DESI2: variants seen among roughly 807,000 people sequenced by gnomAD.
The protein encoded by DESI2 is desumoylating isopeptidase 2.
Under a neutral mutation model 24.1 loss-of-function variants are expected in DESI2, and 10 were observed. The observed-to-expected ratio is 0.41, with a 90% CI of 0.26 to 0.70. DESI2 has a LOEUF of 0.70. Among genes scored for constraint, DESI2 ranks in the 30% least tolerant of loss-of-function variants. DESI2 has a pLI of 0.29. For synonymous variants in DESI2, 71 were observed against 87.7 expected (o/e 0.81, Z 1.06); for missense variants, 122 against 234.9 (o/e 0.52, Z 3.14).
chr1:244,694,447 C>T (rs1677138435), intron 4 of DESI2: 2 of 763,772 alleles, frequency 2.6e-6, no homozygotes, highest in East Asian at 2.6e-5. Flanking sequence ...GAACTGGATG[C>T]TGCAGCAGCT....
chr1:244,655,212 GTAGT>G (rs1352396094), intron 1 of DESI2, among the ~76,000 whole-genome samples: 2 of 152,162 alleles, frequency 1.3e-5, no homozygotes, highest in Non-Finnish European at 2.9e-5. Flanking sequence ...TGTAAAATAG[GTAGT>G]TAGAGAAGCA....
chr1:244,702,359 C>G (rs1287300406), intron 4 of DESI2, among the ~76,000 whole-genome samples: 2 of 152,040 alleles, frequency 1.3e-5, no homozygotes, highest in Admixed American at 6.5e-5. Context: ...ACTAAAAATA[C>G]AAAAGTTAGC....
intron 4 of DESI2, among the ~76,000 whole-genome samples, chr1:244,703,698 G>A (rs1214828892): frequency 2.1e-5 from 3 of 146,042 alleles, no homozygotes; most frequent in Admixed American, 6.9e-5. Context: ...TTGCTCTGTT[G>A]CCCCGGCTGG....
At chr1:244,665,846 TTAAAA>T (rs1676025133) in intron 1 of DESI2, among the ~76,000 whole-genome samples, 1 of 152,240 alleles carries the variant, frequency 6.6e-6, no homozygotes, top group Admixed American at 6.5e-5. Context: ...AGCCAGTTCC[TTAAAA>T]TAATCACTTC....
At chr1:244,672,802 G>A (rs188962874) in intron 1 of DESI2, among the ~76,000 whole-genome samples, 2 of 152,102 alleles carry the variant, frequency 1.3e-5, no homozygotes, top group East Asian at 1.9e-4. Flanking sequence ...GCTTGAACTC[G>A]GGAAGTAGAG....
At chr1:244,655,951 G>A (rs967901579) in intron 1 of DESI2, among the ~76,000 whole-genome samples, 2 of 152,222 alleles carry the variant, frequency 1.3e-5, no homozygotes, top group Admixed American at 6.5e-5. Context: ...TCATGGAGGG[G>A]AACAGTGTGA....
At chr1:244,658,026 T>C (rs1232402829) in intron 1 of DESI2, among the ~76,000 whole-genome samples, 1 of 152,214 alleles carries the variant, frequency 6.6e-6, no homozygotes, top group Non-Finnish European at 1.5e-5. Flanking sequence ...ATGATGTCTG[T>C]CACATATTTT....
rs146071500 is a variant in DESI2 at position 244,685,475 on chromosome 1, A to G, written c.43-1122A>G. On this transcript the variant is annotated intron_variant, in intron 1 of 4. Transcript: ENST00000302550. The stretch of plus-strand genomic sequence containing the variant: ...CCATATTGTTTTAATGAATATTTCA[A>G]TTTCTAGATGGGAAAATTCCTTGTT... Among the ~76,000 whole-genome samples the G allele has an allele frequency of 4.4e-3, 664 of 152,240 alleles. 1 individual carries two copies. Among genetic ancestry groups the G allele is most frequent in the Non-Finnish European group, 7.6e-3 (517 of 68,016 alleles).
intron 1 of DESI2, among the ~76,000 whole-genome samples, chr1:244,672,835 C>T (rs1676293334): frequency 6.6e-6 from 1 of 151,880 alleles, no homozygotes; most frequent in South Asian, 2.1e-4. Flanking sequence ...CAAGATCGCC[C>T]CATTGCACTC....
At chr1:244,669,675 T>C (rs757003896) in intron 1 of DESI2, among the ~76,000 whole-genome samples, 9 of 151,914 alleles carry the variant, frequency 5.9e-5, no homozygotes, top group Non-Finnish European at 1.0e-4. Context: ...CGAAACTCCA[T>C]CTCAAAAAAA....
intron 1 of DESI2, among the ~76,000 whole-genome samples, chr1:244,657,372 T>C (rs1426920669): frequency 6.6e-6 from 1 of 152,216 alleles, no homozygotes; most frequent in African/African-American, 2.4e-5. Context: ...ACTTCTTCCC[T>C]TTCCTCCTGT....
intron 3 of DESI2, among the ~76,000 whole-genome samples, chr1:244,690,260 C>T (rs556640213): frequency 1.1e-4 from 17 of 152,266 alleles, no homozygotes; most frequent in African/African-American, 3.4e-4. Flanking sequence ...TGATGTTCCC[C>T]GCCCTGTGTC....
intron 1 of DESI2, among the ~76,000 whole-genome samples, chr1:244,669,254 C>T (rs1676154544): frequency 6.6e-6 from 1 of 151,406 alleles, no homozygotes. Context: ...ACCTTGGCCT[C>T]CCAAAGTGCT....
intron 2 of DESI2, among the ~76,000 whole-genome samples, chr1:244,687,910 T>C (rs1216453226): frequency 6.6e-6 from 1 of 152,184 alleles, no homozygotes; most frequent in African/African-American, 2.4e-5. Context: ...TGCCATCAAG[T>C]TTTGAACCAC....
At chr1:244,691,693 T>C (rs796993190) in intron 3 of DESI2, among the ~76,000 whole-genome samples, 186 bp from the exon 4 acceptor site, 43 of 152,222 alleles carry the variant, frequency 2.8e-4, no homozygotes, top group African/African-American at 9.6e-4. Context: ...TGCAGAAAAG[T>C]AGAAACTAAA....
chr1:244,667,390 C>T (rs1676083619), intron 1 of DESI2, among the ~76,000 whole-genome samples: 1 of 152,172 alleles, frequency 6.6e-6, no homozygotes, highest in South Asian at 2.1e-4. Context: ...GTGGGGCAGT[C>T]AAATTTTACA....
In DESI2 at chr1:244,705,865, C is replaced by A; in HGVS notation, c.*76C>A. On this transcript the variant is annotated 3_prime_UTR_variant, in exon 5 of 5. Coordinates refer to ENST00000302550, the MANE Select transcript of DESI2 (RefSeq NM_016076.5). Reference sequence around the variant, plus strand: ...TAGAGAAAAGTAAACAGAGAAGCATCCTTTAGATATTTTGTATGCAAAGAT... The same window carrying A: ...TAGAGAAAAGTAAACAGAGAAGCATACTTTAGATATTTTGTATGCAAAGAT... 9.6e-7 allele frequency: 1 copy of A among 1,042,736 alleles called. No homozygotes were observed. Among genetic ancestry groups the A allele is most frequent in the Non-Finnish European group, 1.4e-6 (1 of 717,530 alleles). The allele number at this position is 1,042,736 out of a possible 1,614,324, so 64.6% of individuals were successfully genotyped here.
intron 1 of DESI2, among the ~76,000 whole-genome samples, chr1:244,666,616 G>T (rs1676055535): frequency 6.6e-6 from 1 of 152,132 alleles, no homozygotes; most frequent in African/African-American, 2.4e-5. Context: ...AAGTGAACAA[G>T]AACTGTTTTA....
chr1:244,702,195 A>G (rs1677492136), intron 4 of DESI2, among the ~76,000 whole-genome samples: 1 of 152,162 alleles, frequency 6.6e-6, no homozygotes, highest in Non-Finnish European at 1.5e-5. Context: ...GTGACCTACT[A>G]ATGGGTCATG....
Sources: gnomAD v4.1 joint callset for allele counts (sites outside exome capture counted in the v4.1 genomes callset) on GRCh38, gnomAD v4.1.1 for gene constraint, MANE v1.5 for transcripts, NCBI Gene and HGNC (gene_info 2026-07-23, HGNC 2026-07-21) for gene names.